Variants in TULP2 observed in about 807,000 individuals in gnomAD.
TULP2 encodes TUB like protein 2.
TULP2 carries 64 observed loss-of-function variants against 60.3 expected under a neutral mutation model. That is an observed-to-expected ratio of 1.06 (90% confidence interval 0.87 to 1.31). The LOEUF is 1.31. Among genes scored for constraint, TULP2 ranks in the 50% most tolerant of loss-of-function variants. The pLI, the probability that TULP2 is intolerant of heterozygous loss-of-function variation, is 0.00. For missense variants in TULP2, 652 were observed against 667.0 expected (o/e 0.98, Z 0.25); for synonymous variants, 267 against 265.4 (o/e 1.01, Z -0.06).
chr19:48,894,597 C>A (rs974807611), intron 6 of TULP2, among the ~76,000 whole-genome samples: 1 of 152,172 alleles, frequency 6.6e-6, no homozygotes, highest in East Asian at 1.9e-4. Flanking sequence ...GCCAAGATCA[C>A]GCCACTGCAC....
chr19:48,883,810 C>T lies in TULP2; in HGVS notation c.1219G>A (p.Val407Met). Residue 407 changes from valine (V) to methionine (M), a missense_variant, in exon 11 of 13, where the codon GTG becomes ATG. By Grantham distance (21) the Val-to-Met change is conservative. Transcript: ENST00000221399. The part of the protein sequence containing the change: ...LGYLGPRKMT[V>M]ILPGTNSQNQ... The stretch of plus-strand genomic sequence containing the variant: ...TGGCTGTTGGTTCCTGGGAGAATCA[C>T]AGTCATTTTCCGAGGCCCCAGGTAT... 1.9e-6 allele frequency: 3 copies of T among 1,614,116 alleles called. No homozygotes were observed. The highest frequency in any genetic ancestry group is 2.5e-6 in the Non-Finnish European group (3 of 1,180,028).
intron 8 of TULP2, among the ~76,000 whole-genome samples, chr19:48,886,548 G>A (rs1238291419): frequency 1.3e-5 from 2 of 151,978 alleles, no homozygotes; most frequent in African/African-American, 4.8e-5. Flanking sequence ...TCTGAGTAGG[G>A]CAAAAAACCT....
In TULP2 at chr19:48,882,100, G is replaced by T. The variant is rs770389218; in HGVS notation, c.1379C>A (p.Thr460Lys). 1 of 1,614,100 alleles carries T rather than the reference G, an allele frequency of 6.2e-7. No homozygotes were observed. Among genetic ancestry groups the T allele is most frequent in the Non-Finnish European group, 8.5e-7 (1 of 1,180,060 alleles). ...PSWDKENGVY[T>K]LNFHGRVTRA... is the part of the protein sequence containing the mutation. ...AGTGACTCGACCATGGAAATTGAGC[G>T]TGTAGACACCGTTCTCCTTGTCCCA... The change falls in exon 12 of 13, where the codon ACG (threonine) becomes AAG (lysine). Residue 460 changes from threonine (T) to lysine (K), a missense_variant. Physicochemically the swap from Thr to Lys is moderately conservative, Grantham distance 78. Coordinates refer to ENST00000221399, the MANE Select transcript of TULP2 (RefSeq NM_003323.3).
At chr19:48,898,100 T>G (rs1057403215) in intron 1 of TULP2, among the ~76,000 whole-genome samples, 1 of 151,890 alleles carries the variant, frequency 6.6e-6, no homozygotes, top group Non-Finnish European at 1.5e-5. Context: ...GCCTCCCGAG[T>G]AGCTGGGACT....
chr19:48,887,977 G>A lies in TULP2; in HGVS notation c.921C>T (p.Leu307=), dbSNP rs2123275706. The change falls in exon 8 of 13, where the codon CTC becomes CTT. Residue 307 remains leucine (L), a synonymous_variant. Transcript: ENST00000221399. ...GCAGGCTGTCAGAGGTCTCCAGGTA[G>A]AGGTAGTAGAGGGGGAACAAGCCCT... is the stretch of plus-strand genomic sequence containing the variant. ...VDKGLFPLYY[L]YLETSDSLQR... 1 of 1,613,118 alleles carries A rather than the reference G, an allele frequency of 6.2e-7. No homozygotes were observed.
In TULP2 at chr19:48,897,972, T is replaced by TTTAA; in HGVS notation, c.-1-104_-1-103insTTAA. On this transcript the variant is annotated intron_variant, in intron 1 of 12. Transcript: ENST00000221399. This position sits in a 1 kb window ranked among gnomAD's most constrained non-coding sequence, Gnocchi z 4.0. ...CCTTATTTATTTATTTATTTATTTATTTATTTATGTATTTAGAGACAGCTG... is the reference window on the plus strand; with the variant it reads ...CCTTATTTATTTATTTATTTATTTATTTAATTATTTATGTATTTAGAGACAGCTG... 2.1e-6 allele frequency: 2 copies of TTTAA among 958,830 alleles called. No individual in the cohort carries two copies. The highest frequency in any genetic ancestry group is 2.8e-6 in the Non-Finnish European group (2 of 712,066). The allele number at this position is 958,830 out of a possible 1,614,324, so 59.4% of individuals were successfully genotyped here.
chr19:48,880,979 G>T lies in TULP2; in HGVS notation c.*32C>A. The T allele has an allele frequency of 1.3e-6, 2 of 1,564,108 alleles. No homozygotes were observed. Among genetic ancestry groups the T allele is most frequent in the Non-Finnish European group, 1.8e-6 (2 of 1,135,270 alleles). On this transcript the variant is annotated 3_prime_UTR_variant, in exon 13 of 13. Transcript: ENST00000221399. Reference sequence around the variant, plus strand: ...GAGGCACAGAAGCTGGCAAGGGTATGGTATTTTATTGAGTTATTCAACAGC... The same window carrying T: ...GAGGCACAGAAGCTGGCAAGGGTATTGTATTTTATTGAGTTATTCAACAGC...
At chr19:48,889,024 T>A (rs943058534) in intron 7 of TULP2, among the ~76,000 whole-genome samples, 8 of 148,552 alleles carry the variant, frequency 5.4e-5, no homozygotes, top group African/African-American at 2.0e-4. Flanking sequence ...TCACTCTGTC[T>A]CCCGGGCTGG....
intron 6 of TULP2, among the ~76,000 whole-genome samples, chr19:48,890,952 A>G (rs1195258087): frequency 6.6e-6 from 1 of 152,142 alleles, no homozygotes; most frequent in Non-Finnish European, 1.5e-5. Context: ...AGGAAACGTC[A>G]CCACAATGGA....
intron 8 of TULP2, among the ~76,000 whole-genome samples, chr19:48,887,184 G>A (rs2037187259): frequency 6.7e-6 from 1 of 150,244 alleles, no homozygotes; most frequent in Non-Finnish European, 1.5e-5. Flanking sequence ...GCTAACTTTT[G>A]TATTTTTTAG....
At chr19:48,890,727 G>A (rs993003873) in intron 6 of TULP2, among the ~76,000 whole-genome samples, 2 of 152,064 alleles carry the variant, frequency 1.3e-5, no homozygotes, top group Non-Finnish European at 2.9e-5. Context: ...ATGACTCAGC[G>A]CCCTCACTTG....
chr19:48,883,068 A>C (rs2037148987), intron 11 of TULP2, among the ~76,000 whole-genome samples: 1 of 152,128 alleles, frequency 6.6e-6, no homozygotes, highest in Admixed American at 6.5e-5. Context: ...AAATATAAAA[A>C]ATTAGACGGG....
At chr19:48,896,721 T>A in intron 3 of TULP2, 165 bp from the exon 4 acceptor site, 1 of 791,130 alleles carries the variant, frequency 1.3e-6, no homozygotes, top group Non-Finnish European at 1.9e-6. Context: ...GCTCCTCCCT[T>A]ATTCCACCGT....
At chr19:48,895,258 G>C (rs896335791) in intron 5 of TULP2, 96 bp from the exon 6 acceptor site, 15 of 1,570,928 alleles carry the variant, frequency 9.5e-6, no homozygotes, top group Middle Eastern at 1.7e-4. Flanking sequence ...GAGTGGGTGC[G>C]GTCCTGAGCT....
chr19:48,895,607 C>T (rs775769140), intron 4 of TULP2, 104 bp from the exon 5 acceptor site: 175 of 1,442,044 alleles, frequency 1.2e-4, no homozygotes, highest in Non-Finnish European at 1.6e-4. Flanking sequence ...CCGCCAGGCG[C>T]CGTGGCTCAC....
rs1196399476 is a variant in TULP2 at position 48,889,454 on chromosome 19, A to C, written c.636+56T>G. On this transcript the variant is annotated intron_variant, in intron 7 of 12. Coordinates refer to ENST00000221399, the MANE Select transcript of TULP2 (RefSeq NM_003323.3). ...AGAATTTTAGCCCCACCCTCACCAG[A>C]GGTCCGAGGCTAGCCCTCTTCTTCC... 2.6e-6 allele frequency: 4 copies of C among 1,530,318 alleles called. No individual in the cohort carries two copies. In the African/African-American group the frequency reaches 5.5e-5, roughly 21 times the overall value. The allele number at this position is 1,530,318 out of a possible 1,614,324, so 94.8% of individuals were successfully genotyped here. A position where few individuals can be genotyped will look rare whatever the true frequency, so the allele number is the denominator to read the frequency against.
chr19:48,897,906 A>C lies in TULP2; in HGVS notation c.-1-37T>G. The C allele has an allele frequency of 6.2e-7, 1 of 1,601,158 alleles. No homozygotes were observed. ...AGAATGAGGAGTCAGGATCAGAACC[A>C]ACATCCCAATGGATCCTGCCCACCA... On this transcript the variant is annotated intron_variant, in intron 1 of 12. Coordinates refer to ENST00000221399, the MANE Select transcript of TULP2 (RefSeq NM_003323.3). The surrounding 1 kb of genome is among the most constrained non-coding windows in gnomAD (Gnocchi z 4.0).
chr19:48,889,590 C>T lies in TULP2; in HGVS notation c.556G>A (p.Asp186Asn), dbSNP rs964814384. Residue 186 changes from aspartate to asparagine, a missense_variant, in exon 7 of 13, where the codon GAT (aspartate) becomes AAT (asparagine). Coordinates refer to ENST00000221399, the MANE Select transcript of TULP2 (RefSeq NM_003323.3). ...CCCATATTGGGTGACTTGTGTGCATCTCCCATATCCTGGGAGTCACTCTCA... is the reference window on the plus strand; with the variant it reads ...CCCATATTGGGTGACTTGTGTGCATTTCCCATATCCTGGGAGTCACTCTCA... ...EGESDSQDMG[D>N]AHKSPNMGPN... 6.3e-7 allele frequency: 1 copy of T among 1,586,056 alleles called. No individual in the cohort carries two copies.
intron 5 of TULP2, 31 bp downstream of exon 5, chr19:48,895,335 G>A (rs2037268274): frequency 6.2e-7 from 1 of 1,607,932 alleles, no homozygotes; most frequent in Non-Finnish European, 8.5e-7. Flanking sequence ...CGGAGTTCTG[G>A]GGTCTAGGAG....
Sources: gnomAD v4.1 joint callset for allele counts (sites outside exome capture counted in the v4.1 genomes callset) on GRCh38, gnomAD v4.1.1 for gene constraint, Gnocchi (gnomAD v3.1) non-coding constraint, MANE v1.5 for transcripts, NCBI Gene and HGNC (gene_info 2026-07-23, HGNC 2026-07-21) for gene names.